Variants in BCO2 observed in about 807,000 individuals in gnomAD.
BCO2 encodes the protein carotenoid-cleaving dioxygenase, mitochondrial.
Under a neutral mutation model 65.8 loss-of-function variants are expected in BCO2, and 56 were observed. That is an observed-to-expected ratio of 0.85 (90% CI 0.69 to 1.06). The LOEUF is 1.06. BCO2 is among the 50% of genes least tolerant of loss of function. The pLI is 0.00. For missense variants in BCO2, 675 were observed against 698.5 expected (o/e 0.97, Z 0.38); for synonymous variants, 233 against 242.3 (o/e 0.96, Z 0.36).
intron 2 of BCO2, chr11:112,183,223 G>A: frequency 1.3e-6 from 1 of 784,406 alleles, no homozygotes; most frequent in Non-Finnish European, 2.3e-6. Flanking sequence ...AGATCTACAA[G>A]ATGAAAATAT....
chr11:112,217,555 T>G (rs912737114), intron 11 of BCO2, among the ~76,000 whole-genome samples: 2 of 151,952 alleles, frequency 1.3e-5, no homozygotes, highest in Non-Finnish European at 2.9e-5. Flanking sequence ...AGAGATGGGG[T>G]TTTGCCATGT....
chr11:112,206,810 T>G (rs1378509598), intron 8 of BCO2, among the ~76,000 whole-genome samples: 5 of 152,220 alleles, frequency 3.3e-5, no homozygotes, highest in African/African-American at 1.2e-4. Context: ...ACAATTGACA[T>G]CTTTACAATA....
chr11:112,212,696 C>T (rs1335118550), intron 8 of BCO2, among the ~76,000 whole-genome samples: 1 of 152,100 alleles, frequency 6.6e-6, no homozygotes, highest in African/African-American at 2.4e-5. Context: ...CCAAAGAAAC[C>T]CACCCAAGCC....
chr11:112,182,449 C>T (rs1738037606), intron 2 of BCO2, among the ~76,000 whole-genome samples: 1 of 152,204 alleles, frequency 6.6e-6, no homozygotes, highest in Admixed American at 6.5e-5. Context: ...TTGGAACCAA[C>T]CCAAATGTCC....
intron 2 of BCO2, among the ~76,000 whole-genome samples, chr11:112,192,295 T>C (rs1242246776): frequency 1.3e-5 from 2 of 152,190 alleles, no homozygotes; most frequent in East Asian, 3.8e-4. Flanking sequence ...AATATTCCAG[T>C]ATATGTTTGG....
chr11:112,188,225 G>A (rs1867262463), intron 2 of BCO2, among the ~76,000 whole-genome samples: 1 of 152,180 alleles, frequency 6.6e-6, no homozygotes, highest in South Asian at 2.1e-4. Context: ...AGCATCACCA[G>A]CCAGCCAGTC....
At chr11:112,190,856 CA>C (rs945768260) in intron 2 of BCO2, among the ~76,000 whole-genome samples, 963 of 62,296 alleles carry the variant, frequency 0.015, no homozygotes, top group African/African-American at 0.037. Flanking sequence ...GACTCTGTCT[CA>C]AAAAAAAAAA....
At chr11:112,195,018 A>G (rs1031289752) in intron 5 of BCO2, among the ~76,000 whole-genome samples, 6 of 142,548 alleles carry the variant, frequency 4.2e-5, no homozygotes, top group African/African-American at 1.3e-4. Flanking sequence ...TTTTTGGTCT[A>G]TCTATCTTAT....
chr11:112,210,919 A>G (rs1389955153), intron 8 of BCO2, among the ~76,000 whole-genome samples: 6 of 152,054 alleles, frequency 3.9e-5, no homozygotes, highest in African/African-American at 1.4e-4. Flanking sequence ...TCTCTGTATT[A>G]TTTCTTTTTT....
intron 2 of BCO2, among the ~76,000 whole-genome samples, chr11:112,190,595 G>T (rs1218741560): frequency 6.6e-6 from 1 of 152,028 alleles, no homozygotes; most frequent in Non-Finnish European, 1.5e-5. Context: ...AGTGGCTCAC[G>T]CCTGTAATCC....
chr11:112,180,764 G>A, intron 2 of BCO2: 4 of 938,334 alleles, frequency 4.3e-6, no homozygotes, highest in South Asian at 3.9e-5. Flanking sequence ...ACCCAGTGGG[G>A]GCAGCGTGAT....
intron 2 of BCO2, among the ~76,000 whole-genome samples, chr11:112,192,728 G>A (rs1417044381): frequency 7.0e-6 from 1 of 143,590 alleles, no homozygotes; most frequent in Non-Finnish European, 1.5e-5. Flanking sequence ...TGCCCAGGCT[G>A]GTCTCAAGCA....
rs1051087643 is a variant in BCO2, at chr11:112,186,974, C to G, written c.294-6500C>G. On this transcript the variant is annotated intron_variant, in intron 2 of 11. Transcript: ENST00000357685. The stretch of plus-strand genomic sequence containing the variant: ...TCTAGGCTCCCAGTTCCTGGACTAT[C>G]GCCACTGTAATGATTGTCCCCCTCC... 3.9e-5 allele frequency among the ~76,000 whole-genome samples: 6 copies of G among 152,276 alleles called. No individual in the cohort carries two copies. In the South Asian group the frequency reaches 6.2e-4, roughly 16 times the overall value.
intron 2 of BCO2, among the ~76,000 whole-genome samples, chr11:112,187,209 T>A (rs1032545668): frequency 1.3e-5 from 2 of 152,240 alleles, no homozygotes; most frequent in African/African-American, 4.8e-5. Flanking sequence ...ATCTACTGTC[T>A]CTTAATTTCT....
At chr11:112,177,616 AT>A (rs1428015011) in intron 1 of BCO2, among the ~76,000 whole-genome samples, 1 of 152,230 alleles carries the variant, frequency 6.6e-6, no homozygotes, top group Non-Finnish European at 1.5e-5. Context: ...TAATAATAGC[AT>A]TTTTTGAGTA....
intron 2 of BCO2, chr11:112,183,210 G>A: frequency 1.2e-6 from 1 of 810,090 alleles, no homozygotes; most frequent in Non-Finnish European, 2.2e-6. Context: ...AGGGACTGGA[G>A]GAAGATCTAC....
intron 2 of BCO2, chr11:112,183,314 A>G (rs1218850998): frequency 1.6e-6 from 1 of 623,028 alleles, no homozygotes; most frequent in African/African-American, 1.9e-5. Flanking sequence ...AAAAACATTT[A>G]GAGGATTATG....
intron 2 of BCO2, chr11:112,181,383 G>A (rs1343729427): frequency 9.3e-6 from 5 of 537,392 alleles, no homozygotes; most frequent in Admixed American, 3.0e-5. Context: ...GGGTTTCACC[G>A]TTTTAGCTGG....
rs562039618 is a variant in BCO2 at position 112,210,783 on chromosome 11, C to T, written c.1195-2941C>T. Among the ~76,000 whole-genome samples the T allele has an allele frequency of 1.2e-4, 17 of 139,486 alleles. No individual in the cohort carries two copies. The East Asian group carries it at 2.2e-3, about 18-fold the overall frequency. 91.5% of individuals were successfully genotyped at this position (139,486 alleles called of 152,430 possible). On this transcript the variant is annotated intron_variant, in intron 8 of 11. Coordinates refer to ENST00000357685, the MANE Select transcript of BCO2 (RefSeq NM_031938.7). ...ACACACACACACACACACACACACACGAATGCATGTTAAACTAGAATAAGG... is the reference window on the plus strand; with the variant it reads ...ACACACACACACACACACACACACATGAATGCATGTTAAACTAGAATAAGG...
Sources: gnomAD v4.1 joint callset for allele counts (sites outside exome capture counted in the v4.1 genomes callset) on GRCh38, gnomAD v4.1.1 for gene constraint, MANE v1.5 for transcripts, NCBI Gene and HGNC (gene_info 2026-07-23, HGNC 2026-07-21) for gene names.